Variants in FAM13C observed in about 807,000 individuals in gnomAD.
FAM13C encodes protein FAM13C.
A neutral mutation model predicts 73.2 loss-of-function variants in FAM13C; 37 were observed. That is an observed-to-expected ratio of 0.51 (90% CI 0.39 to 0.67). FAM13C has a LOEUF of 0.67. FAM13C is among the 30% of genes least tolerant of loss of function. The probability of loss-of-function intolerance (pLI) is 0.00; values close to 1 mark genes in which losing one functional copy is unlikely to be tolerated. For missense variants in FAM13C, 589 were observed against 715.6 expected (o/e 0.82, Z 2.02); for synonymous variants, 246 against 260.9 (o/e 0.94, Z 0.55).
intron 9 of FAM13C, among the ~76,000 whole-genome samples, chr10:59,263,148 A>G (rs528394496): frequency 6.6e-5 from 10 of 152,256 alleles, no homozygotes; most frequent in South Asian, 6.2e-4. Context: ...AGATTTTGCT[A>G]TTTTGTCTTA....
chr10:59,310,139 C>A (rs1170071453), intron 4 of FAM13C, among the ~76,000 whole-genome samples: 1 of 152,132 alleles, frequency 6.6e-6, no homozygotes, highest in Non-Finnish European at 1.5e-5. Context: ...GAATCAGAGC[C>A]TTAGAACTGA....
intron 5 of FAM13C, among the ~76,000 whole-genome samples, chr10:59,300,105 C>G (rs776493745): frequency 1.3e-5 from 2 of 152,138 alleles, no homozygotes; most frequent in Non-Finnish European, 2.9e-5. Flanking sequence ...CATGGATACG[C>G]TACACCATGT....
At chr10:59,280,210 G>C (rs569708198) in intron 6 of FAM13C, among the ~76,000 whole-genome samples, 135 of 152,264 alleles carry the variant, frequency 8.9e-4, no homozygotes, top group Non-Finnish European at 1.1e-3. Flanking sequence ...CTAGCATGTG[G>C]GATATTTAGT....
At chr10:59,311,639 C>T (rs1589561483) in intron 4 of FAM13C, among the ~76,000 whole-genome samples, 1 of 152,194 alleles carries the variant, frequency 6.6e-6, no homozygotes, top group African/African-American at 2.4e-5. Context: ...CATTCTTCTG[C>T]CTCAAAGTTT....
At chr10:59,348,906 T>C (rs1402141721) in intron 3 of FAM13C, among the ~76,000 whole-genome samples, 1 of 152,224 alleles carries the variant, frequency 6.6e-6, no homozygotes, top group East Asian at 1.9e-4. Context: ...AGTGCTGGGA[T>C]TACAGGCGTG....
intron 6 of FAM13C, among the ~76,000 whole-genome samples, chr10:59,277,965 C>T (rs527940584): frequency 6.6e-5 from 10 of 152,270 alleles, no homozygotes; most frequent in African/African-American, 2.4e-4. Flanking sequence ...AAAGACATAC[C>T]CAAGACTGGG....
intron 4 of FAM13C, among the ~76,000 whole-genome samples, chr10:59,319,768 G>A (rs1197620613): frequency 6.6e-6 from 1 of 152,172 alleles, no homozygotes; most frequent in South Asian, 2.1e-4. Flanking sequence ...GATTACTAAA[G>A]TTTCTTCCAG....
intron 4 of FAM13C, among the ~76,000 whole-genome samples, chr10:59,315,206 C>CA (rs1849381284): frequency 6.6e-6 from 1 of 152,098 alleles, no homozygotes; most frequent in Non-Finnish European, 1.5e-5. Context: ...AGTAAAAGCA[C>CA]AAAAAATATT....
intron 3 of FAM13C, among the ~76,000 whole-genome samples, chr10:59,348,783 G>A (rs1854641870): frequency 6.6e-6 from 1 of 152,062 alleles, no homozygotes; most frequent in African/African-American, 2.4e-5. Context: ...CTATAGGCGT[G>A]CACTACCATG....
intron 3 of FAM13C, among the ~76,000 whole-genome samples, chr10:59,345,774 C>T (rs1854217587): frequency 6.6e-6 from 1 of 152,174 alleles, no homozygotes. Flanking sequence ...ACCCAGAGGA[C>T]CACTTTTCTT....
At chr10:59,276,502 T>C (rs1284429600) in intron 6 of FAM13C, among the ~76,000 whole-genome samples, 1 of 152,112 alleles carries the variant, frequency 6.6e-6, no homozygotes, top group Non-Finnish European at 1.5e-5. Context: ...ATAGTATGCT[T>C]TTTCCCATTT....
At chr10:59,255,660 C>T (rs1564479822) in intron 10 of FAM13C, among the ~76,000 whole-genome samples, 1 of 152,174 alleles carries the variant, frequency 6.6e-6, no homozygotes, top group Admixed American at 6.5e-5. Flanking sequence ...CCCAAGCATG[C>T]CAGATACATC....
chr10:59,270,218 T>C, intron 6 of FAM13C, 109 bp from the exon 7 acceptor site: 1 of 1,063,392 alleles, frequency 9.4e-7, no homozygotes, highest in East Asian at 2.5e-5. Flanking sequence ...TGCCTCTTTG[T>C]CATTTCTTCC....
intron 10 of FAM13C, among the ~76,000 whole-genome samples, chr10:59,260,001 T>C (rs1842339665): frequency 6.6e-6 from 1 of 152,148 alleles, no homozygotes; most frequent in Non-Finnish European, 1.5e-5. Flanking sequence ...GTTTATGTTT[T>C]TATCTACAAC....
At chr10:59,279,814 C>A (rs759889091) in intron 6 of FAM13C, among the ~76,000 whole-genome samples, 3 of 152,170 alleles carry the variant, frequency 2.0e-5, no homozygotes, top group Non-Finnish European at 4.4e-5. Context: ...TCAGTTCTGG[C>A]TGCTATAACA....
At chr10:59,355,632 G>T (rs1855612243) in intron 2 of FAM13C, among the ~76,000 whole-genome samples, 1 of 152,100 alleles carries the variant, frequency 6.6e-6, no homozygotes, top group South Asian at 2.1e-4. Context: ...ATTGAGATAG[G>T]CTAATCAATA....
At chr10:59,341,878 A>G (rs975343747) in intron 3 of FAM13C, among the ~76,000 whole-genome samples, 1 of 152,194 alleles carries the variant, frequency 6.6e-6, no homozygotes, top group African/African-American at 2.4e-5. Flanking sequence ...AGGTATCTAC[A>G]TAATAAAATG....
chr10:59,355,191 C>T (rs1173327138), intron 2 of FAM13C, among the ~76,000 whole-genome samples: 1 of 152,076 alleles, frequency 6.6e-6, no homozygotes, highest in Non-Finnish European at 1.5e-5. Flanking sequence ...TCTCCTCTAG[C>T]AAACTGAATT....
chr10:59,319,295 C>T (rs959915468), intron 4 of FAM13C, among the ~76,000 whole-genome samples: 1 of 152,160 alleles, frequency 6.6e-6, no homozygotes, highest in African/African-American at 2.4e-5. Context: ...TCTTCAACCT[C>T]CTGCAACATG....
Sources: allele counts gnomAD v4.1 joint callset (sites outside exome capture counted in the v4.1 genomes callset), GRCh38; gene constraint gnomAD v4.1.1; transcripts MANE v1.5; gene names NCBI Gene and HGNC (gene_info 2026-07-23, HGNC 2026-07-21).